The following TBX19 variants were observed in gnomAD, a reference collection of about 807,000 sequenced individuals.
TBX19 encodes the protein T-box transcription factor 19, also known as T-box transcription factor TBX19.
A neutral mutation model predicts 40.9 loss-of-function variants in TBX19; 33 were observed. That is an observed-to-expected ratio of 0.81 (90% CI 0.61 to 1.08). The LOEUF (loss-of-function observed/expected upper bound fraction) is 1.08, where lower values mean the gene tolerates loss of function less well. TBX19 is among the 50% of genes least tolerant of loss of function. The probability of loss-of-function intolerance (pLI) is 0.00; values close to 1 mark genes in which losing one functional copy is unlikely to be tolerated. For synonymous variants in TBX19, 220 were observed against 225.0 expected (o/e 0.98, Z 0.20); for missense variants, 494 against 574.0 (o/e 0.86, Z 1.42).
Position 168,308,860 on chromosome 1 carries a change from A to G in TBX19, c.1035A>G (p.Pro345=). Residue 345 remains proline, a synonymous_variant, in exon 7 of 8, where the codon CCA becomes CCG. Transcript: ENST00000367821. ...SILSVPHTNG[P]INPGPSPYPC... ...TGTCTGTACCCCACACCAACGGACC[A>G]ATCAATCCAGGGCCCAGGTAAGACC... The G allele has an allele frequency of 1.9e-6, 3 of 1,614,092 alleles. No individual in the cohort carries two copies. Among genetic ancestry groups the G allele is most frequent in the South Asian group, 1.1e-5 (1 of 91,066 alleles).
rs1021610202 is a variant in TBX19 at position 168,313,078 on chromosome 1, G to A, written c.*76G>A. On this transcript the variant is annotated 3_prime_UTR_variant, in exon 8 of 8. Transcript: ENST00000367821. ...CTTAGAAACCCCATCAACTGATCTA[G>A]TGAGTCAGACTGTGGAATCTCCCTT... The A allele has an allele frequency of 8.4e-5, 132 of 1,566,374 alleles. No homozygotes were observed. The South Asian group carries it at 1.1e-3, about 13-fold the overall frequency.
intron 7 of TBX19, among the ~76,000 whole-genome samples, chr1:168,310,609 C>A (rs1649496201): frequency 6.6e-6 from 1 of 150,938 alleles, no homozygotes; most frequent in Non-Finnish European, 1.5e-5. Context: ...GTAATACTCA[C>A]ATAGGATTTT....
In TBX19 at chr1:168,300,498, C is replaced by T; in HGVS notation, c.727+15C>T. 1 of 1,613,634 alleles carries T rather than the reference C, an allele frequency of 6.2e-7. No individual in the cohort carries two copies. Among genetic ancestry groups the T allele is most frequent in the Non-Finnish European group, 8.5e-7 (1 of 1,179,692 alleles). On this transcript the variant is annotated intron_variant, in intron 5 of 7. Transcript: ENST00000367821. ...CTATTCTCACTGTGAGTTGGGTGTA[C>T]ATGAGGCGGGAGGTGCGTGGGGCTG...
At chr1:168,298,414 C>T (rs1300903713) in intron 4 of TBX19, among the ~76,000 whole-genome samples, 1 of 151,950 alleles carries the variant, frequency 6.6e-6, no homozygotes, top group Non-Finnish European at 1.5e-5. Context: ...CTGCCTTTTT[C>T]CTAATTACTT....
chr1:168,289,700 G>C (rs939190995), intron 1 of TBX19, among the ~76,000 whole-genome samples: 1 of 152,160 alleles, frequency 6.6e-6, no homozygotes, highest in Admixed American at 6.5e-5. Context: ...TCCCATGCCT[G>C]GCACCTAGTG....
In TBX19 at chr1:168,293,127, T is replaced by C; in HGVS notation, c.469-17T>C. On this transcript the variant is annotated splice_polypyrimidine_tract_variant and intron_variant, in intron 2 of 7. Transcript: ENST00000367821. Reference sequence around the variant, plus strand: ...GGGCTTTGCTTTTCTCCTCTTTCTCTTCTCCTGCCTCGACAGATAATGTTG... The same window carrying C: ...GGGCTTTGCTTTTCTCCTCTTTCTCCTCTCCTGCCTCGACAGATAATGTTG... 1 of 1,613,494 alleles carries C rather than the reference T, an allele frequency of 6.2e-7. No homozygotes were observed.
intron 6 of TBX19, among the ~76,000 whole-genome samples, chr1:168,306,857 A>T (rs1226727652): frequency 6.6e-6 from 1 of 152,180 alleles, no homozygotes; most frequent in East Asian, 1.9e-4. Flanking sequence ...CACATAAGTC[A>T]GGGTGCCATG....
Position 168,291,255 on chromosome 1 carries a change from G to T in TBX19, c.299G>T (p.Arg100Leu), listed in dbSNP as rs780690061. The T allele has an allele frequency of 1.2e-6, 2 of 1,614,198 alleles. No homozygotes were observed. The highest frequency in any genetic ancestry group is 1.1e-5 in the South Asian group (1 of 91,082). Reference sequence around the variant, plus strand: ...GACTTTGTCCCTACGGACAGTCACCGCTGGAAGTACGTCAACGGGGAATGG... The same window carrying T: ...GACTTTGTCCCTACGGACAGTCACCTCTGGAAGTACGTCAACGGGGAATGG... ...LLDFVPTDSH[R>L]WKYVNGEWVP... is the part of the protein sequence containing the mutation. The change falls in exon 2 of 8, where the codon CGC becomes CTC. Residue 100 changes from arginine (R) to leucine (L), a missense_variant. Around this residue, in one of 3 missense-constraint regions of TBX19, gnomAD observed 201 missense variants for 235.2 expected, o/e 0.85. Coordinates refer to ENST00000367821, the MANE Select transcript of TBX19 (RefSeq NM_005149.3).
At chr1:168,291,455 C>T (rs376501368) in intron 2 of TBX19, 31 bp downstream of exon 2, 52 of 1,613,828 alleles carry the variant, frequency 3.2e-5, no homozygotes, top group Non-Finnish European at 3.9e-5. Flanking sequence ...CCTGGCCACC[C>T]GCTCCGGCCT....
intron 7 of TBX19, among the ~76,000 whole-genome samples, chr1:168,312,383 CT>C (rs532024201): frequency 1.4e-4 from 22 of 152,108 alleles, no homozygotes; most frequent in Non-Finnish European, 2.8e-4. Flanking sequence ...GTTTTAATAC[CT>C]TTTTTTCTAC....
intron 5 of TBX19, among the ~76,000 whole-genome samples, chr1:168,303,358 A>G (rs1405598942): frequency 1.1e-4 from 17 of 152,176 alleles, no homozygotes; most frequent in Admixed American, 1.1e-3. Context: ...ATGTCCCTAC[A>G]AAGGACATGA....
At chr1:168,300,359 T>C in intron 4 of TBX19, 63 bp from the exon 5 acceptor site, 1 of 1,488,914 alleles carries the variant, frequency 6.7e-7, no homozygotes, top group Admixed American at 1.7e-5. Context: ...ATTTTGGGTA[T>C]GCTTTATAGT....
intron 6 of TBX19, among the ~76,000 whole-genome samples, chr1:168,306,234 T>C (rs554818178): frequency 1.3e-5 from 2 of 152,350 alleles, no homozygotes; most frequent in South Asian, 4.1e-4. Context: ...TGGCTCACTC[T>C]ACTTCCTCAT....
At chr1:168,283,300 C>T (rs775647101) in intron 1 of TBX19, among the ~76,000 whole-genome samples, 5 of 152,148 alleles carry the variant, frequency 3.3e-5, no homozygotes, top group African/African-American at 9.7e-5. Context: ...CTGTGTTTGC[C>T]GTCTTCCTAT....
intron 1 of TBX19, among the ~76,000 whole-genome samples, chr1:168,289,651 G>A (rs1302833892): frequency 6.6e-6 from 1 of 152,156 alleles, no homozygotes; most frequent in East Asian, 1.9e-4. Flanking sequence ...TAAAGTTGTT[G>A]TGAAGAACTC....
In TBX19 at chr1:168,294,334, T is replaced by C. The variant is rs1344724686; in HGVS notation, c.603+1056T>C. On this transcript the variant is annotated intron_variant, in intron 3 of 7. Coordinates refer to ENST00000367821, the MANE Select transcript of TBX19 (RefSeq NM_005149.3). ...TGGACATTTAAGTTGTTTCCAACTGTTTTCTTTTTTTTTTTTGAGACAGAG... is the reference window on the plus strand; with the variant it reads ...TGGACATTTAAGTTGTTTCCAACTGCTTTCTTTTTTTTTTTTGAGACAGAG... Among the ~76,000 whole-genome samples, 3 of 143,750 alleles carry C rather than the reference T, an allele frequency of 2.1e-5. No individual in the cohort carries two copies. In the East Asian group the frequency reaches 6.5e-4, roughly 31 times the overall value. 94.3% of individuals were successfully genotyped at this position (143,750 alleles called of 152,430 possible). A position where few individuals can be genotyped will look rare whatever the true frequency, so the allele number is the denominator to read the frequency against.
chr1:168,302,771 T>C (rs1266907919), intron 5 of TBX19, among the ~76,000 whole-genome samples: 1 of 152,048 alleles, frequency 6.6e-6, no homozygotes, highest in Non-Finnish European at 1.5e-5. Context: ...AGAATTCTCT[T>C]TGTGGGGTGG....
At chr1:168,282,159 C>G (rs997244092) in intron 1 of TBX19, among the ~76,000 whole-genome samples, 2 of 152,156 alleles carry the variant, frequency 1.3e-5, no homozygotes, top group Admixed American at 1.3e-4. Context: ...GTACAAAATG[C>G]TGAAAGGCAT....
At chr1:168,293,055 T>C (rs1648986343) in intron 2 of TBX19, 89 bp from the exon 3 acceptor site, 6 of 1,593,618 alleles carry the variant, frequency 3.8e-6, no homozygotes, top group Non-Finnish European at 5.1e-6. Context: ...GGTGCTAAGC[T>C]TGGGACCAAC....
Sources: allele counts gnomAD v4.1 joint callset (sites outside exome capture counted in the v4.1 genomes callset), GRCh38; gene constraint gnomAD v4.1.1; regional missense constraint gnomAD v4.1.1; transcripts MANE v1.5; gene names NCBI Gene and HGNC (gene_info 2026-07-23, HGNC 2026-07-21).